CCSER1: variants seen among roughly 807,000 people sequenced by gnomAD.
CCSER1 encodes the protein coiled-coil serine rich protein 1.
A neutral mutation model predicts 82.0 loss-of-function variants in CCSER1; 41 were observed. The ratio of observed to expected loss-of-function variants is 0.50; its 90% CI spans 0.39 to 0.65. The LOEUF (loss-of-function observed/expected upper bound fraction) is 0.65, where lower values mean the gene tolerates loss of function less well. Among genes scored for constraint, CCSER1 ranks in the 30% least tolerant of loss-of-function variants. The pLI is 0.00. For missense variants in CCSER1, 1,119 were observed against 1,064.2 expected (o/e 1.05, Z -0.72); for synonymous variants, 414 against 383.9 (o/e 1.08, Z -0.92).
chr4:91,473,312 G>C (rs1578553861), intron 10 of CCSER1, among the ~76,000 whole-genome samples: 1 of 152,286 alleles, frequency 6.6e-6, no homozygotes, highest in South Asian at 2.1e-4. Flanking sequence ...AAAACCTGGT[G>C]ATGCCATGAA....
intron 10 of CCSER1, among the ~76,000 whole-genome samples, chr4:91,556,144 T>C (rs1266558184): frequency 6.6e-6 from 1 of 151,294 alleles, no homozygotes; most frequent in Non-Finnish European, 1.5e-5. Flanking sequence ...GTAATATTTT[T>C]AGAGGAAATG....
intron 10 of CCSER1, among the ~76,000 whole-genome samples, chr4:91,267,140 G>C (rs531001133): frequency 2.8e-4 from 43 of 152,248 alleles, no homozygotes; most frequent in African/African-American, 1.0e-3. Flanking sequence ...AAGTTAAAAA[G>C]TAGGTAAAGG....
In CCSER1 at chr4:90,379,578, T is replaced by C. The variant is rs28535598; in HGVS notation, c.1510-20458T>C. 7.8e-3 allele frequency among the ~76,000 whole-genome samples: 1,179 copies of C among 151,992 alleles called. 12 individuals are homozygous for C. Among genetic ancestry groups the C allele is most frequent in the African/African-American group, 0.027 (1,136 of 41,464 alleles). On this transcript the variant is annotated intron_variant, in intron 3 of 10. Transcript: ENST00000509176. ...TTTTGATTATAGGGGAAGGAAAAAA[T>C]GGTATATCAGAGGAGCCATTATCCC... is the stretch of plus-strand genomic sequence containing the variant.
At position 91,027,769 on chromosome 4, in the gene CCSER1, A is replaced by G. The variant is rs371031251; in HGVS notation, c.2173-58181A>G. ...GGAGTTTGCTATTGTATTAGAAGGA[A>G]CCAGGCCCTGTTTTCTTTAGTGATT... On this transcript the variant is annotated intron_variant, in intron 9 of 10. Coordinates refer to ENST00000509176, the MANE Select transcript of CCSER1 (RefSeq NM_001145065.2). 2.2e-3 allele frequency among the ~76,000 whole-genome samples: 337 copies of G among 152,156 alleles called. 3 individuals are homozygous for G. Among genetic ancestry groups the G allele is most frequent in the South Asian group, 0.011 (54 of 4,828 alleles).
At chr4:90,298,244 T>A (rs554850252) in intron 1 of CCSER1, among the ~76,000 whole-genome samples, 12 of 152,108 alleles carry the variant, frequency 7.9e-5, no homozygotes, top group Non-Finnish European at 1.6e-4. Context: ...GTCGAGGAAT[T>A]TATCCATTTC....
intron 10 of CCSER1, among the ~76,000 whole-genome samples, chr4:91,284,373 C>T (rs1420015985): frequency 6.6e-6 from 1 of 152,008 alleles, no homozygotes; most frequent in African/African-American, 2.4e-5. Flanking sequence ...AAAGTCATCA[C>T]ATTTAGAAAA....
chr4:91,218,318 C>T (rs554196501), intron 10 of CCSER1, among the ~76,000 whole-genome samples: 3 of 152,340 alleles, frequency 2.0e-5, no homozygotes, highest in South Asian at 2.1e-4. Flanking sequence ...CCGCAAGGGC[C>T]GCACGCAGCC....
intron 5 of CCSER1, among the ~76,000 whole-genome samples, chr4:90,615,559 CTT>C (rs1649197596): frequency 1.3e-5 from 2 of 152,230 alleles, no homozygotes; most frequent in South Asian, 4.1e-4. Flanking sequence ...TAGGAAGTAA[CTT>C]CAGATGTGGT....
intron 9 of CCSER1, among the ~76,000 whole-genome samples, chr4:90,988,852 A>G (rs956647007): frequency 2.0e-5 from 3 of 151,838 alleles, no homozygotes; most frequent in Non-Finnish European, 2.9e-5. Context: ...TTTGGCACAC[A>G]TAAGTGGTCT....
chr4:90,637,724 G>T (rs1725684135), intron 6 of CCSER1, among the ~76,000 whole-genome samples: 1 of 152,044 alleles, frequency 6.6e-6, no homozygotes, highest in Non-Finnish European at 1.5e-5. Context: ...GTAGTTTTTT[G>T]GTTAGGATTC....
chr4:90,340,476 A>G (rs2153503917), intron 3 of CCSER1, among the ~76,000 whole-genome samples: 1 of 152,252 alleles, frequency 6.6e-6, no homozygotes, highest in East Asian at 1.9e-4. Flanking sequence ...TTCATTTGTG[A>G]ATTTGTGCTA....
intron 1 of CCSER1, among the ~76,000 whole-genome samples, chr4:90,163,407 C>T (rs1729844736): frequency 6.6e-6 from 1 of 152,094 alleles, no homozygotes; most frequent in African/African-American, 2.4e-5. Flanking sequence ...GCTATAAATT[C>T]ACATTACAAA....
Position 90,972,329 on chromosome 4 carries a change from A to G in CCSER1, c.2172+48882A>G, listed in dbSNP as rs928576962. ...CATTAAAAATCAATATTATACATAT[A>G]TCAAATTACTTTGTTGTACACCTTA... On this transcript the variant is annotated intron_variant, in intron 9 of 10. Transcript: ENST00000509176. 8.6e-5 allele frequency among the ~76,000 whole-genome samples: 13 copies of G among 151,962 alleles called. No homozygotes were observed. In the Middle Eastern group the frequency reaches 0.01, roughly 119 times the overall value.
intron 1 of CCSER1, among the ~76,000 whole-genome samples, chr4:90,194,070 T>C (rs1736153048): frequency 6.6e-6 from 1 of 152,076 alleles, no homozygotes; most frequent in Admixed American, 6.6e-5. Flanking sequence ...GTCCAGTTGA[T>C]AGGCAGTCAC....
At chr4:90,905,155 T>C (rs2150165995) in intron 8 of CCSER1, among the ~76,000 whole-genome samples, 1 of 152,264 alleles carries the variant, frequency 6.6e-6, no homozygotes, top group Non-Finnish European at 1.5e-5. Flanking sequence ...ACAATTGCAT[T>C]ATCCTCTAAA....
intron 8 of CCSER1, among the ~76,000 whole-genome samples, chr4:90,828,821 C>A (rs910141185): frequency 6.6e-6 from 1 of 151,964 alleles, no homozygotes; most frequent in Non-Finnish European, 1.5e-5. Context: ...AAATTTATAT[C>A]GTATTTTTTG....
chr4:90,758,633 T>TAAA (rs1749927353), intron 7 of CCSER1, among the ~76,000 whole-genome samples: 1 of 152,150 alleles, frequency 6.6e-6, no homozygotes, highest in Non-Finnish European at 1.5e-5. Context: ...GTGTTATTTT[T>TAAA]AAGTGTTTTT....
intron 10 of CCSER1, among the ~76,000 whole-genome samples, chr4:91,238,093 C>T (rs777298953): frequency 3.9e-5 from 6 of 152,040 alleles, no homozygotes; most frequent in South Asian, 2.1e-4. Context: ...TATATCATTC[C>T]GCTCTTCTTT....
intron 6 of CCSER1, among the ~76,000 whole-genome samples, chr4:90,663,328 C>T (rs1731160435): frequency 6.6e-6 from 1 of 152,130 alleles, no homozygotes; most frequent in Admixed American, 6.6e-5. Context: ...ATTAGTTTGT[C>T]TAAGAACCCA....
Sources: allele counts gnomAD v4.1 joint callset (sites outside exome capture counted in the v4.1 genomes callset), GRCh38; gene constraint gnomAD v4.1.1; transcripts MANE v1.5; gene names NCBI Gene and HGNC (gene_info 2026-07-23, HGNC 2026-07-21).